The following TNPO1 variants were observed in gnomAD, a reference collection of about 807,000 sequenced individuals.
The protein encoded by TNPO1 is transportin-1.
TNPO1 carries 8 observed loss-of-function variants against 119.5 expected under a neutral mutation model. That is an observed-to-expected ratio of 0.07 (90% CI 0.04 to 0.12). The LOEUF (loss-of-function observed/expected upper bound fraction) is 0.12, where lower values mean the gene tolerates loss of function less well. Among genes scored for constraint, TNPO1 ranks in the 10% least tolerant of loss-of-function variants. The pLI is 1.00. For missense variants in TNPO1, 576 were observed against 1,089.8 expected (o/e 0.53, Z 6.64); for synonymous variants, 362 against 363.0 (o/e 1.00, Z 0.03).
At chr5:72,849,582 C>T (rs1745397712) in intron 2 of TNPO1, among the ~76,000 whole-genome samples, 1 of 152,184 alleles carries the variant, frequency 6.6e-6, no homozygotes, top group South Asian at 2.1e-4. Flanking sequence ...TACTGCATTG[C>T]CGTAATTTAA....
At chr5:72,852,799 A>G (rs1745682712) in intron 3 of TNPO1, among the ~76,000 whole-genome samples, 1 of 152,226 alleles carries the variant, frequency 6.6e-6, no homozygotes, top group African/African-American at 2.4e-5. Flanking sequence ...TGAATGAAGG[A>G]CACAATAGAA....
At chr5:72,890,681 T>G (rs1329883293) in intron 14 of TNPO1, among the ~76,000 whole-genome samples, 2 of 152,214 alleles carry the variant, frequency 1.3e-5, no homozygotes, top group Non-Finnish European at 2.9e-5. Context: ...TTAGAGTCTG[T>G]GCCCCTGTTT....
At chr5:72,859,077 C>CT (rs1274020856) in intron 4 of TNPO1, among the ~76,000 whole-genome samples, 8 of 151,752 alleles carry the variant, frequency 5.3e-5, no homozygotes, top group African/African-American at 1.5e-4. Flanking sequence ...AAAATCATCT[C>CT]TAAGAATTGG....
At chr5:72,828,711 C>T (rs1006526660) in intron 1 of TNPO1, among the ~76,000 whole-genome samples, 10 of 83,484 alleles carry the variant, frequency 1.2e-4, no homozygotes, top group Non-Finnish European at 2.4e-4. Flanking sequence ...GTCCCAGTAA[C>T]ATCTTTTGTA....
At chr5:72,848,290 G>T in intron 1 of TNPO1, 95 bp from the exon 2 acceptor site, 1 of 1,351,474 alleles carries the variant, frequency 7.4e-7, no homozygotes, top group Non-Finnish European at 9.6e-7. Flanking sequence ...TGTGGTGGCG[G>T]GGAGAACGGG....
At chr5:72,823,151 G>T (rs199621243) in intron 1 of TNPO1, among the ~76,000 whole-genome samples, 12 of 152,016 alleles carry the variant, frequency 7.9e-5, no homozygotes, top group Non-Finnish European at 1.6e-4. Context: ...GTTTTTGTTT[G>T]TTTGCTCCGT....
chr5:72,844,554 G>T (rs995251672), intron 1 of TNPO1, among the ~76,000 whole-genome samples: 3 of 152,238 alleles, frequency 2.0e-5, no homozygotes, highest in African/African-American at 7.2e-5. Context: ...TCCATGAAAA[G>T]AAGTTAGATT....
At chr5:72,835,566 A>G (rs1481469987) in intron 1 of TNPO1, among the ~76,000 whole-genome samples, 5 of 152,146 alleles carry the variant, frequency 3.3e-5, no homozygotes, top group African/African-American at 4.8e-5. Flanking sequence ...TGATAAGGGT[A>G]TTAATCCCAT....
At chr5:72,907,238 A>G (rs1454240498) in intron 24 of TNPO1, among the ~76,000 whole-genome samples, 7 of 152,166 alleles carry the variant, frequency 4.6e-5, no homozygotes, top group African/African-American at 1.7e-4. Context: ...AAAGATGAGA[A>G]TGACTTGTAG....
chr5:72,906,264 CTTTTTTTTTTCTTTTTTTT>C (rs1417016198), intron 24 of TNPO1, among the ~76,000 whole-genome samples: 1 of 90,238 alleles, frequency 1.1e-5, no homozygotes, highest in African/African-American at 4.7e-5. Context: ...GTGCCCATCA[CTTTTTTTTTTCTTTTTTTT>C]TTTTTTTTTT....
Position 72,888,260 on chromosome 5 carries a change from C to T in TNPO1, c.1486C>T (p.Arg496Cys), listed in dbSNP as rs150255663. Residue 496 changes from arginine (R) to cysteine (C), a missense_variant, in exon 13 of 25, where the codon CGC (arginine) becomes TGC (cysteine). Around this residue, in one of 6 missense-constraint regions of TNPO1, gnomAD observed 310 missense variants for 583.0 expected, o/e 0.53. Coordinates refer to ENST00000337273, the MANE Select transcript of TNPO1 (RefSeq NM_002270.4). ...GCCATTAATGACAGAATTGCTAAAGCGCATCCTGGACAGCAACAAGAGAGT... is the reference window on the plus strand; with the variant it reads ...GCCATTAATGACAGAATTGCTAAAGTGCATCCTGGACAGCAACAAGAGAGT... Reference protein sequence around the residue: ...LKPLMTELLKRILDSNKRVQE... With the variant: ...LKPLMTELLKCILDSNKRVQE... The T allele has an allele frequency of 1.2e-5, 20 of 1,613,986 alleles. No homozygotes were observed. Among genetic ancestry groups the T allele is most frequent in the Middle Eastern group, 1.6e-4 (1 of 6,084 alleles).
At chr5:72,858,989 T>C (rs1369322660) in intron 4 of TNPO1, among the ~76,000 whole-genome samples, 3 of 150,440 alleles carry the variant, frequency 2.0e-5, no homozygotes, top group Non-Finnish European at 4.4e-5. Context: ...AATTGCCTAA[T>C]CTTAGTTTAC....
chr5:72,855,676 G>C (rs1745934973), intron 3 of TNPO1, 98 bp from the exon 4 acceptor site: 1 of 1,000,128 alleles, frequency 1.0e-6, no homozygotes, highest in African/African-American at 1.6e-5. Context: ...AAGTTTGAAT[G>C]TCAATCAACT....
chr5:72,905,799 AG>A (rs1353394655), intron 24 of TNPO1, among the ~76,000 whole-genome samples: 1 of 152,208 alleles, frequency 6.6e-6, no homozygotes, highest in Non-Finnish European at 1.5e-5. Flanking sequence ...CAGGAGGCTG[AG>A]GTGGGAATAT....
Position 72,861,928 on chromosome 5 carries a change from T to A in TNPO1, c.462+14T>A. Reference sequence around the variant, plus strand: ...AATACCTGTGAGGTAAGGATATTTGTTTCATACATAATTGGGTGTTTTCTG... The same window carrying A: ...AATACCTGTGAGGTAAGGATATTTGATTCATACATAATTGGGTGTTTTCTG... On this transcript the variant is annotated intron_variant, in intron 5 of 24. Transcript: ENST00000337273. 1 of 1,582,430 alleles carries A rather than the reference T, an allele frequency of 6.3e-7. No individual in the cohort carries two copies. Among genetic ancestry groups the A allele is most frequent in the Non-Finnish European group, 8.7e-7 (1 of 1,151,688 alleles).
At position 72,906,275 on chromosome 5, in the gene TNPO1, CTTTTTTTTTTTTTTTTTTTTTT is replaced by C. The variant is rs869051297; in HGVS notation, c.*35+847_*35+868del. ...CCATGTGCCCATCACTTTTTTTTTT[CTTTTTTTTTTTTTTTTTTTTTT>C]TTTTTTTTTTTTTTTTGAGACAGAG... On this transcript the variant is annotated intron_variant, in intron 24 of 24. Coordinates refer to ENST00000337273, the MANE Select transcript of TNPO1 (RefSeq NM_002270.4). Among the ~76,000 whole-genome samples, 23 of 54,698 alleles carry C rather than the reference CTTTTTTTTTTTTTTTTTTTTTT, an allele frequency of 4.2e-4. 2 individuals are homozygous for C. The highest frequency in any genetic ancestry group is 2.7e-3 in the East Asian group (4 of 1,462). The allele number at this position is 54,698 out of a possible 152,430, so 35.9% of individuals were successfully genotyped here.
Position 72,900,850 on chromosome 5 carries a change from A to G in TNPO1, c.2415-124A>G, listed in dbSNP as rs1749753198. 8 of 540,138 alleles carry G rather than the reference A, an allele frequency of 1.5e-5. 1 individual carries two copies. 33.5% of individuals were successfully genotyped at this position (540,138 alleles called of 1,614,324 possible). A position where few individuals can be genotyped will look rare whatever the true frequency, so the allele number is the denominator to read the frequency against. ...GAGTAAACGAAACTAAAGCTTTCCGAAAAACTCTTTTAATATAATCATTAT... is the reference window on the plus strand; with the variant it reads ...GAGTAAACGAAACTAAAGCTTTCCGGAAAACTCTTTTAATATAATCATTAT... On this transcript the variant is annotated intron_variant, in intron 21 of 24. Transcript: ENST00000337273.
chr5:72,866,861 A>G (rs1402792938), intron 6 of TNPO1, among the ~76,000 whole-genome samples: 1 of 152,072 alleles, frequency 6.6e-6, no homozygotes, highest in Non-Finnish European at 1.5e-5. Context: ...TATTTTGTAG[A>G]TGGTCATTTG....
At position 72,902,513 on chromosome 5, in the gene TNPO1, G is replaced by T. The variant is rs944580747; in HGVS notation, c.2515-1196G>T. Among the ~76,000 whole-genome samples, 51 of 143,130 alleles carry T rather than the reference G, an allele frequency of 3.6e-4. 1 individual carries two copies. In the South Asian group the frequency reaches 8.9e-3, roughly 25 times the overall value. The allele number at this position is 143,130 out of a possible 152,430, so 93.9% of individuals were successfully genotyped here. ...AGCTTTTGACATTTTCTGGGTTTTT[G>T]TTTTTTTTTTTAATACTTAAGAACT... On this transcript the variant is annotated intron_variant, in intron 22 of 24. Transcript: ENST00000337273.
Sources: gnomAD v4.1 joint callset for allele counts (sites outside exome capture counted in the v4.1 genomes callset) on GRCh38, gnomAD v4.1.1 for gene constraint, gnomAD v4.1.1 regional missense constraint, MANE v1.5 for transcripts, NCBI Gene and HGNC (gene_info 2026-07-23, HGNC 2026-07-21) for gene names.